Variants in PCDHA6 observed in about 807,000 individuals in gnomAD.
PCDHA6 encodes the protein protocadherin alpha 6, also known as protocadherin alpha-6.
In PCDHA6, 55 loss-of-function variants were observed where a neutral mutation model predicts 60.3. That is an observed-to-expected ratio of 0.91 (90% CI 0.73 to 1.14). The LOEUF is 1.14. Ranked by LOEUF, PCDHA6 falls within the 50% of genes most tolerant of loss-of-function variation. The pLI is 0.00. For synonymous variants in PCDHA6, 652 were observed against 557.9 expected, an observed-to-expected ratio of 1.17 and a Z score of -2.38; for missense variants, 1,327 against 1,256.5, an observed-to-expected ratio of 1.06 and a Z score of -0.85.
chr5:140,877,112 G>T (rs782384853), intron 1 of PCDHA6: 18 of 1,613,552 alleles, frequency 1.1e-5, no homozygotes, highest in African/African-American at 4.0e-5. Context: ...CCTCTGGGCA[G>T]CAACGTGACG....
intron 1 of PCDHA6, among the ~76,000 whole-genome samples, chr5:140,964,381 T>C (rs1008874330): frequency 1.3e-5 from 2 of 152,176 alleles, no homozygotes. Flanking sequence ...AGGAGAGTCC[T>C]GGTTTTTCTC....
At chr5:140,830,655 T>C in intron 1 of PCDHA6, 170 bp downstream of exon 1, 2 of 431,072 alleles carry the variant, frequency 4.6e-6, no homozygotes, top group Non-Finnish European at 7.5e-6. Flanking sequence ...TTAATATTCA[T>C]AATTTAAGTG....
chr5:140,864,619 T>A (rs895390232), intron 1 of PCDHA6: 2 of 152,222 alleles, frequency 1.3e-5, no homozygotes, highest in African/African-American at 4.8e-5. Flanking sequence ...TGTTCTTTTT[T>A]AAAAAGAAAA....
At chr5:140,958,375 T>A (rs1554223446) in intron 1 of PCDHA6, among the ~76,000 whole-genome samples, 1 of 152,162 alleles carries the variant, frequency 6.6e-6, no homozygotes, top group Non-Finnish European at 1.5e-5. Flanking sequence ...AATGTTGCTA[T>A]TTTCTTAACA....
intron 1 of PCDHA6, among the ~76,000 whole-genome samples, chr5:140,935,339 A>G (rs1048024159): frequency 1.3e-5 from 2 of 152,180 alleles, no homozygotes; most frequent in Admixed American, 6.5e-5. Context: ...TTTCTCCCAT[A>G]CGTCAAATCC....
intron 1 of PCDHA6, chr5:140,884,214 T>G: frequency 6.2e-7 from 1 of 1,613,446 alleles, no homozygotes; most frequent in African/African-American, 1.3e-5. Context: ...CGCCTTCTGG[T>G]GCTGGTGAAG....
chr5:140,850,512 G>A lies in PCDHA6; in HGVS notation c.2394+20027G>A, dbSNP rs17844334. 2.6e-5 allele frequency: 41 copies of A among 1,598,146 alleles called. 4 individuals carry two copies. The highest frequency in any genetic ancestry group is 5.1e-5 in the Admixed American group (3 of 59,282). On this transcript the variant is annotated intron_variant, in intron 1 of 3. Coordinates refer to ENST00000529310, the MANE Select transcript of PCDHA6 (RefSeq NM_018909.4). Reference sequence around the variant, plus strand: ...TGTGCTGGTGTCGCTGGTGGAGAGCGGCCAGGCGCCAAAGTCATCGTCGCG... The same window carrying A: ...TGTGCTGGTGTCGCTGGTGGAGAGCAGCCAGGCGCCAAAGTCATCGTCGCG...
intron 1 of PCDHA6, among the ~76,000 whole-genome samples, chr5:140,896,683 C>T (rs2153454060): frequency 6.6e-6 from 1 of 152,068 alleles, no homozygotes; most frequent in South Asian, 2.1e-4. Context: ...GGCCCTTTGC[C>T]CATTTTTTGA....
intron 1 of PCDHA6, chr5:140,882,864 C>T (rs2059340057): frequency 6.2e-7 from 1 of 1,614,200 alleles, no homozygotes; most frequent in East Asian, 2.2e-5. Flanking sequence ...CTGAGGAAAA[C>T]ACTGGACAGA....
intron 1 of PCDHA6, chr5:140,927,853 G>T: frequency 6.2e-7 from 1 of 1,614,214 alleles, no homozygotes; most frequent in Non-Finnish European, 8.5e-7. Context: ...CTTTGGTTTA[G>T]CTAGCACCGC....
chr5:140,854,725 G>GT (rs2043207581), intron 1 of PCDHA6: 1 of 149,714 alleles, frequency 6.7e-6, no homozygotes, highest in Non-Finnish European at 1.5e-5. Context: ...GAAAACTCAA[G>GT]TTTTTTTCAG....
chr5:140,970,751 T>G (rs2096430046), intron 1 of PCDHA6, among the ~76,000 whole-genome samples: 1 of 152,232 alleles, frequency 6.6e-6, no homozygotes, highest in African/African-American at 2.4e-5. Flanking sequence ...GCAATATATT[T>G]TCATTGACAT....
intron 1 of PCDHA6, chr5:140,836,790 T>G: frequency 2.1e-6 from 3 of 1,427,258 alleles, no homozygotes; most frequent in Middle Eastern, 1.8e-4. Flanking sequence ...TTAGTTCAAT[T>G]GGTCTCCTTA....
chr5:140,834,254 G>A, intron 1 of PCDHA6: 1 of 927,246 alleles, frequency 1.1e-6, no homozygotes, highest in Non-Finnish European at 1.6e-6. Flanking sequence ...CTGGAAAGAC[G>A]CTCCACTCTC....
chr5:140,888,980 G>A (rs1429569959), intron 1 of PCDHA6, among the ~76,000 whole-genome samples: 2 of 152,022 alleles, frequency 1.3e-5, no homozygotes, highest in Non-Finnish European at 2.9e-5. Context: ...TTGAATTTAT[G>A]ATTTATGATT....
rs559337177 is a variant in PCDHA6 at position 140,853,682 on chromosome 5, A to G, written c.2394+23197A>G. On this transcript the variant is annotated intron_variant, in intron 1 of 3. Transcript: ENST00000529310. ...ACAAATTGGGGCCTATGGTCAACCT[A>G]TCCTTAGACCTGCTAACGCATTAGC... 95 of 988,426 alleles carry G rather than the reference A, an allele frequency of 9.6e-5. 12 individuals are homozygous for G. The highest frequency in any genetic ancestry group is 1.1e-4 in the Non-Finnish European group (93 of 820,328). The allele number at this position is 988,426 out of a possible 1,614,324, so 61.2% of individuals were successfully genotyped here.
intron 1 of PCDHA6, chr5:140,968,736 A>G (rs1047961532): frequency 3.1e-6 from 5 of 1,614,098 alleles, no homozygotes; most frequent in East Asian, 2.2e-5. Context: ...AGCACTTTCA[A>G]CCTGACCGTG....
chr5:140,958,872 G>T (rs993434831), intron 1 of PCDHA6, among the ~76,000 whole-genome samples: 1 of 151,970 alleles, frequency 6.6e-6, no homozygotes, highest in Non-Finnish European at 1.5e-5. Context: ...GTTTATAAAA[G>T]AATTGACCAG....
rs1318290193 is a variant in PCDHA6, at chr5:140,849,912, C to G, written c.2394+19427C>G. ...GAAGGAGAACAACCCGCCGGGCTGCCACATCTTCACGGTGTCTGCGCGGGA... is the reference window on the plus strand; with the variant it reads ...GAAGGAGAACAACCCGCCGGGCTGCGACATCTTCACGGTGTCTGCGCGGGA... On this transcript the variant is annotated intron_variant, in intron 1 of 3. Coordinates refer to ENST00000529310, the MANE Select transcript of PCDHA6 (RefSeq NM_018909.4). 51 of 1,598,266 alleles carry G rather than the reference C, an allele frequency of 3.2e-5. 3 individuals are homozygous for G. The highest frequency in any genetic ancestry group is 4.2e-5 in the Non-Finnish European group (49 of 1,167,792).
Sources: gnomAD v4.1 joint callset for allele counts (sites outside exome capture counted in the v4.1 genomes callset) on GRCh38, gnomAD v4.1.1 for gene constraint, MANE v1.5 for transcripts, NCBI Gene and HGNC (gene_info 2026-07-23, HGNC 2026-07-21) for gene names.